The following KIF13B variants were observed in gnomAD, a reference collection of about 807,000 sequenced individuals.
The protein encoded by KIF13B is kinesin family member 13B, also known as kinesin-like protein KIF13B.
KIF13B carries 127 observed loss-of-function variants against 222.0 expected under a neutral mutation model. That is an observed-to-expected ratio of 0.57 (90% CI 0.50 to 0.66). The LOEUF is 0.66. Ranked by LOEUF, KIF13B falls within the 30% of genes least tolerant of loss-of-function variation. KIF13B has a pLI of 0.00. For synonymous variants in KIF13B, 976 were observed against 919.0 expected, an observed-to-expected ratio of 1.06 and a Z score of -1.12; for missense variants, 2,173 against 2,379.0, an observed-to-expected ratio of 0.91 and a Z score of 1.80.
chr8:29,262,238 T>C (rs1299568382), intron 1 of KIF13B, among the ~76,000 whole-genome samples: 1 of 152,228 alleles, frequency 6.6e-6, no homozygotes, highest in Non-Finnish European at 1.5e-5. Flanking sequence ...ACTCGGTTTA[T>C]CTGCCTTCTC....
chr8:29,180,734 G>A (rs979982651), intron 7 of KIF13B, among the ~76,000 whole-genome samples: 1 of 151,850 alleles, frequency 6.6e-6, no homozygotes, highest in African/African-American at 2.4e-5. Context: ...CTAATTTTCT[G>A]CATTGATTTA....
chr8:29,097,594 T>TA (rs1808592379), intron 36 of KIF13B, among the ~76,000 whole-genome samples: 1 of 151,540 alleles, frequency 6.6e-6, no homozygotes. Context: ...CCCCCAAAAA[T>TA]AAAAAAGAAT....
intron 37 of KIF13B, among the ~76,000 whole-genome samples, chr8:29,086,686 C>T (rs1014096372): frequency 1.3e-5 from 2 of 152,110 alleles, no homozygotes; most frequent in African/African-American, 4.8e-5. Context: ...ACATTATAAC[C>T]CTTAAGCGAT....
intron 18 of KIF13B, 139 bp from the exon 19 acceptor site, chr8:29,142,442 C>T (rs753003692): frequency 2.7e-6 from 2 of 728,910 alleles, no homozygotes. Flanking sequence ...GATTACAAAG[C>T]CTCCAAAAAG....
At chr8:29,236,299 T>C (rs183350489) in intron 2 of KIF13B, among the ~76,000 whole-genome samples, 1 of 152,248 alleles carries the variant, frequency 6.6e-6, no homozygotes, top group Non-Finnish European at 1.5e-5. Context: ...GTGGGTAAAA[T>C]CAGATCTCCT....
rs777535814 is a variant in KIF13B, at chr8:29,109,907, G to C, written c.4083+11C>G. ...CCTCTGCTGCCCGCCCTATCCATGC[G>C]GTTGGCTAACCTGGCGCAGACGATC... On this transcript the variant is annotated intron_variant, in intron 33 of 39. Transcript: ENST00000524189. The C allele has an allele frequency of 6.2e-7, 1 of 1,612,504 alleles. No individual in the cohort carries two copies. Among genetic ancestry groups the C allele is most frequent in the South Asian group, 1.1e-5 (1 of 90,722 alleles).
intron 2 of KIF13B, among the ~76,000 whole-genome samples, chr8:29,213,607 A>G (rs886413237): frequency 3.3e-5 from 5 of 152,172 alleles, no homozygotes; most frequent in Non-Finnish European, 5.9e-5. Flanking sequence ...CCTGTATGGC[A>G]TTTCCTGGAG....
chr8:29,140,031 C>A, intron 21 of KIF13B, 32 bp downstream of exon 21: 1 of 1,534,154 alleles, frequency 6.5e-7, no homozygotes, highest in South Asian at 1.2e-5. Context: ...ACTTTTGTAT[C>A]AACGTAATAC....
chr8:29,118,590 C>G (rs952391887), intron 30 of KIF13B, among the ~76,000 whole-genome samples: 1 of 152,184 alleles, frequency 6.6e-6, no homozygotes, highest in Non-Finnish European at 1.5e-5. Context: ...CCATCTCTCA[C>G]TGGTTGAGGA....
chr8:29,106,492 C>T (rs1326835350), intron 35 of KIF13B, among the ~76,000 whole-genome samples: 1 of 150,688 alleles, frequency 6.6e-6, no homozygotes, highest in African/African-American at 2.4e-5. Flanking sequence ...GTTAGTAGGG[C>T]GTGGTGGCGA....
intron 2 of KIF13B, among the ~76,000 whole-genome samples, chr8:29,200,950 T>C (rs1412345253): frequency 1.3e-5 from 2 of 152,220 alleles, no homozygotes; most frequent in Admixed American, 6.5e-5. Flanking sequence ...TTACTGATCA[T>C]GTTAATTCTG....
intron 31 of KIF13B, among the ~76,000 whole-genome samples, chr8:29,114,789 C>T (rs1409043668): frequency 3.3e-5 from 5 of 152,258 alleles, no homozygotes; most frequent in South Asian, 2.1e-4. Flanking sequence ...CAACATGCGG[C>T]GACTATACAA....
chr8:29,191,139 G>C (rs1460386261), intron 3 of KIF13B, 82 bp from the exon 4 acceptor site: 3 of 1,061,748 alleles, frequency 2.8e-6, no homozygotes, highest in Non-Finnish European at 4.1e-6. Flanking sequence ...GTTCATAATA[G>C]TGAAATAAAA....
chr8:29,211,621 G>A (rs1282133919), intron 2 of KIF13B, among the ~76,000 whole-genome samples: 1 of 152,202 alleles, frequency 6.6e-6, no homozygotes, highest in Non-Finnish European at 1.5e-5. Context: ...ACATGCAGGA[G>A]GTGAGACTCC....
chr8:29,139,009 T>C (rs189151914), intron 21 of KIF13B, among the ~76,000 whole-genome samples: 2 of 152,156 alleles, frequency 1.3e-5, no homozygotes, highest in Non-Finnish European at 2.9e-5. Flanking sequence ...ACAGATAAGA[T>C]ATGATGCTGG....
At chr8:29,186,969 CAAAAAA>C in intron 5 of KIF13B, among the ~76,000 whole-genome samples, 2 of 68,678 alleles carry the variant, frequency 2.9e-5, no homozygotes, top group African/African-American at 5.3e-5. Context: ...ACTCCATCTC[CAAAAAA>C]AAAAAAAAAA....
intron 32 of KIF13B, among the ~76,000 whole-genome samples, chr8:29,111,774 G>T (rs1809365919): frequency 6.6e-6 from 1 of 152,204 alleles, no homozygotes; most frequent in African/African-American, 2.4e-5. Context: ...CTGCATTCAA[G>T]CGATTTACAG....
chr8:29,157,284 G>C (rs1811576261), intron 13 of KIF13B, among the ~76,000 whole-genome samples: 1 of 150,432 alleles, frequency 6.6e-6, no homozygotes, highest in Non-Finnish European at 1.5e-5. Context: ...AGTGGGCATG[G>C]TAGCTTACAC....
intron 35 of KIF13B, among the ~76,000 whole-genome samples, chr8:29,102,635 G>A (rs574107821): frequency 2.2e-4 from 33 of 152,312 alleles, no homozygotes; most frequent in African/African-American, 7.9e-4. Context: ...AATGAGTCTG[G>A]TTTTGATCAG....
Sources: gnomAD v4.1 joint callset for allele counts (sites outside exome capture counted in the v4.1 genomes callset) on GRCh38, gnomAD v4.1.1 for gene constraint, MANE v1.5 for transcripts, NCBI Gene and HGNC (gene_info 2026-07-23, HGNC 2026-07-21) for gene names.